Variants in CNTNAP4 observed in about 807,000 individuals in gnomAD.
CNTNAP4 encodes the protein contactin-associated protein-like 4.
In CNTNAP4, 98 loss-of-function variants were observed where a neutral mutation model predicts 148.4. The ratio of observed to expected loss-of-function variants is 0.66; its 90% confidence interval spans 0.56 to 0.78. The LOEUF (loss-of-function observed/expected upper bound fraction) is 0.78. Among genes scored for constraint, CNTNAP4 ranks in the 30% least tolerant of loss-of-function variants. CNTNAP4 has a pLI of 0.00. For missense variants in CNTNAP4, 1,935 were observed against 1,565.6 expected (o/e 1.24, Z -3.98); for synonymous variants, 730 against 565.1 (o/e 1.29, Z -4.14).
chr16:76,521,337 A>T, intron 16 of CNTNAP4, 27 bp downstream of exon 16: 1 of 1,557,234 alleles, frequency 6.4e-7, no homozygotes, highest in East Asian at 2.3e-5. Flanking sequence ...AGAGAAGTGT[A>T]TGAGATTCTA....
intron 3 of CNTNAP4, among the ~76,000 whole-genome samples, chr16:76,395,005 T>A (rs1034098126): frequency 6.6e-6 from 1 of 152,152 alleles, no homozygotes; most frequent in Admixed American, 6.5e-5. Context: ...ACTAGGCAAT[T>A]CGGTGGGACC....
At chr16:76,464,125 C>T (rs1005060773) in intron 9 of CNTNAP4, among the ~76,000 whole-genome samples, 1 of 152,150 alleles carries the variant, frequency 6.6e-6, no homozygotes, top group African/African-American at 2.4e-5. Flanking sequence ...CTCTGCCCTG[C>T]ACTTCCCAGC....
intron 4 of CNTNAP4, among the ~76,000 whole-genome samples, chr16:76,444,604 T>G (rs2080169104): frequency 6.6e-6 from 1 of 152,092 alleles, no homozygotes; most frequent in Non-Finnish European, 1.5e-5. Context: ...ATGATTAACT[T>G]TATGCCACAT....
chr16:76,318,397 G>A (rs1962036738), intron 2 of CNTNAP4, among the ~76,000 whole-genome samples: 1 of 152,036 alleles, frequency 6.6e-6, no homozygotes, highest in African/African-American at 2.4e-5. Flanking sequence ...GTCTCCATCA[G>A]TGGGACTCAT....
rs1170997367 is a variant in CNTNAP4 at position 76,509,965 on chromosome 16, T to C, written c.2366-11175T>C. 3.1e-5 allele frequency among the ~76,000 whole-genome samples: 3 copies of C among 97,016 alleles called. 1 individual carries two copies. Among genetic ancestry groups the C allele is most frequent in the Non-Finnish European group, 5.8e-5 (2 of 34,238 alleles). 63.6% of individuals were successfully genotyped at this position (97,016 alleles called of 152,430 possible). On this transcript the variant is annotated intron_variant, in intron 15 of 23. Coordinates refer to ENST00000611870, the MANE Select transcript of CNTNAP4 (RefSeq NM_033401.5). Reference sequence around the variant, plus strand: ...ATATTGTCTATTGGGAACAGCTTAATTGACATATAATTCACAGCCTATAAT... The same window carrying C: ...ATATTGTCTATTGGGAACAGCTTAACTGACATATAATTCACAGCCTATAAT...
chr16:76,342,084 C>A (rs919744655), intron 2 of CNTNAP4, among the ~76,000 whole-genome samples: 1 of 152,124 alleles, frequency 6.6e-6, no homozygotes, highest in Non-Finnish European at 1.5e-5. Context: ...GCTGCTGTTC[C>A]TTTGTTTTGA....
chr16:76,354,492 C>T (rs1452295188), intron 2 of CNTNAP4, among the ~76,000 whole-genome samples: 1 of 152,168 alleles, frequency 6.6e-6, no homozygotes, highest in Non-Finnish European at 1.5e-5. Flanking sequence ...TCTTACCCAC[C>T]ACCCTGCTCC....
intron 1 of CNTNAP4, among the ~76,000 whole-genome samples, chr16:76,314,795 C>G (rs1057299945): frequency 6.6e-6 from 1 of 152,122 alleles, no homozygotes; most frequent in Non-Finnish European, 1.5e-5. Flanking sequence ...ACCTCTGAGA[C>G]CACCTATCCC....
At chr16:76,500,616 T>TTG (rs5818001) in intron 15 of CNTNAP4, among the ~76,000 whole-genome samples, 24 of 147,906 alleles carry the variant, frequency 1.6e-4, no homozygotes, top group African/African-American at 5.0e-4. Flanking sequence ...TTTTTCCAGT[T>TTG]TGTGTGTGTG....
intron 3 of CNTNAP4, among the ~76,000 whole-genome samples, chr16:76,367,479 T>C (rs1234565412): frequency 6.6e-6 from 1 of 151,914 alleles, no homozygotes; most frequent in Non-Finnish European, 1.5e-5. Context: ...AAAGAAAGGG[T>C]ATACATTGGG....
rs1011334037 is a variant in CNTNAP4 at position 76,559,709 on chromosome 16, A to G, written c.*1026A>G. On this transcript the variant is annotated 3_prime_UTR_variant, in exon 24 of 24. Coordinates refer to ENST00000611870, the MANE Select transcript of CNTNAP4 (RefSeq NM_033401.5). ...CTTCAATGATTATACTTCACGAATCATCTTATATATTACCAAAAAAGAGAC... is the reference window on the plus strand; with the variant it reads ...CTTCAATGATTATACTTCACGAATCGTCTTATATATTACCAAAAAAGAGAC... 6.6e-5 allele frequency among the ~76,000 whole-genome samples: 10 copies of G among 152,134 alleles called. No homozygotes were observed. The highest frequency in any genetic ancestry group is 2.1e-4 in the South Asian group (1 of 4,826).
At chr16:76,447,313 T>G (rs1482826365) in intron 4 of CNTNAP4, among the ~76,000 whole-genome samples, 1 of 147,526 alleles carries the variant, frequency 6.8e-6, no homozygotes, top group Non-Finnish European at 1.5e-5. Context: ...AGACCCTGCC[T>G]GAAAAATTAT....
Position 76,509,523 on chromosome 16 carries a change from C to T in CNTNAP4, c.2365+10829C>T, listed in dbSNP as rs373859847. On this transcript the variant is annotated intron_variant, in intron 15 of 23. Coordinates refer to ENST00000611870, the MANE Select transcript of CNTNAP4 (RefSeq NM_033401.5). ...TGGCTCATGAAATTTATATATCTAA[C>T]GAAGTATATTCAACGTAAGTGATCC... Among the ~76,000 whole-genome samples the T allele has an allele frequency of 9.2e-5, 9 of 97,550 alleles. 3 individuals are homozygous for T. Among genetic ancestry groups the T allele is most frequent in the East Asian group, 1.1e-3 (2 of 1,892 alleles). The allele number at this position is 97,550 out of a possible 152,430, so 64.0% of individuals were successfully genotyped here.
intron 14 of CNTNAP4, among the ~76,000 whole-genome samples, chr16:76,497,911 T>G (rs1011544580): frequency 2.0e-5 from 3 of 152,020 alleles, no homozygotes; most frequent in African/African-American, 7.2e-5. Context: ...ACAAAAGAAA[T>G]AGCAAAATGG....
At chr16:76,290,081 G>A (rs530089848) in intron 1 of CNTNAP4, among the ~76,000 whole-genome samples, 1 of 152,230 alleles carries the variant, frequency 6.6e-6, no homozygotes, top group Non-Finnish European at 1.5e-5. Context: ...GGGCTCTGTG[G>A]ACTCCAAGGT....
At chr16:76,364,714 C>G (rs996722760) in intron 3 of CNTNAP4, among the ~76,000 whole-genome samples, 1 of 152,190 alleles carries the variant, frequency 6.6e-6, no homozygotes, top group Non-Finnish European at 1.5e-5. Flanking sequence ...CTAGACAAAA[C>G]TAATACTTCC....
chr16:76,543,649 A>G (rs2084558445), intron 21 of CNTNAP4, among the ~76,000 whole-genome samples: 1 of 152,184 alleles, frequency 6.6e-6, no homozygotes, highest in South Asian at 2.1e-4. Context: ...AGATTTAGCA[A>G]TGTTCAGGGA....
At chr16:76,526,274 G>A (rs548878171) in intron 17 of CNTNAP4, among the ~76,000 whole-genome samples, 14 of 151,982 alleles carry the variant, frequency 9.2e-5, no homozygotes, top group Non-Finnish European at 1.5e-4. Flanking sequence ...CAAGGAACAA[G>A]GAAAAAAACA....
intron 4 of CNTNAP4, among the ~76,000 whole-genome samples, chr16:76,447,435 A>G (rs2080291172): frequency 6.6e-6 from 1 of 151,972 alleles, no homozygotes; most frequent in South Asian, 2.1e-4. Flanking sequence ...AGGTTAGTAA[A>G]GACTAAAATG....
Sources: allele counts gnomAD v4.1 joint callset (sites outside exome capture counted in the v4.1 genomes callset), GRCh38; gene constraint gnomAD v4.1.1; transcripts MANE v1.5; gene names NCBI Gene and HGNC (gene_info 2026-07-23, HGNC 2026-07-21).